Variants in SDC2 observed in about 807,000 individuals in gnomAD.
SDC2 encodes syndecan 2.
A neutral mutation model predicts 22.2 loss-of-function variants in SDC2; 13 were observed. The observed-to-expected ratio is 0.59, with a 90% CI of 0.38 to 0.93. SDC2 has a LOEUF of 0.93. SDC2 is among the 40% of genes least tolerant of loss of function. SDC2 has a pLI of 0.00. For missense variants in SDC2, 235 were observed against 246.8 expected (o/e 0.95, Z 0.32); for synonymous variants, 94 against 92.8 (o/e 1.01, Z -0.07).
intron 1 of SDC2, among the ~76,000 whole-genome samples, chr8:96,510,843 T>C (rs879484710): frequency 3.9e-5 from 6 of 152,070 alleles, no homozygotes; most frequent in Admixed American, 6.5e-5. Context: ...ACAGAGAAAA[T>C]GCAAATGTGA....
At chr8:96,554,703 A>C (rs1814081524) in intron 1 of SDC2, among the ~76,000 whole-genome samples, 1 of 152,134 alleles carries the variant, frequency 6.6e-6, no homozygotes, top group Non-Finnish European at 1.5e-5. Context: ...AGGTTATCTG[A>C]TTTGGGATCC....
chr8:96,585,626 T>C (rs1311217988), intron 1 of SDC2, among the ~76,000 whole-genome samples: 1 of 152,246 alleles, frequency 6.6e-6, no homozygotes, highest in Admixed American at 6.5e-5. Flanking sequence ...ATGAGATCTT[T>C]CTGGATCATC....
chr8:96,602,596 A>T, intron 3 of SDC2, 68 bp downstream of exon 3: 1 of 1,472,446 alleles, frequency 6.8e-7, no homozygotes, highest in Non-Finnish European at 9.4e-7. Context: ...CTGACTGTAC[A>T]CAACAGTCCC....
chr8:96,539,703 A>C (rs574232274), intron 1 of SDC2, among the ~76,000 whole-genome samples: 2 of 152,352 alleles, frequency 1.3e-5, no homozygotes, highest in Middle Eastern at 3.4e-3. Flanking sequence ...CGTGAATTTA[A>C]TTAGGTTTTC....
At chr8:96,547,940 T>A (rs1427272744) in intron 1 of SDC2, among the ~76,000 whole-genome samples, 1 of 151,656 alleles carries the variant, frequency 6.6e-6, no homozygotes, top group Non-Finnish European at 1.5e-5. Context: ...TTTGTTTAAT[T>A]TTTTGTAGAG....
chr8:96,552,598 CT>C (rs1814045047), intron 1 of SDC2, among the ~76,000 whole-genome samples: 1 of 152,160 alleles, frequency 6.6e-6, no homozygotes, highest in African/African-American at 2.4e-5. Flanking sequence ...CTAAATTTTA[CT>C]TAAATTTTTT....
At chr8:96,555,407 T>G (rs1306122319) in intron 1 of SDC2, among the ~76,000 whole-genome samples, 1 of 152,110 alleles carries the variant, frequency 6.6e-6, no homozygotes, top group African/African-American at 2.4e-5. Context: ...TAACCAATAT[T>G]TATTGAGTGA....
chr8:96,587,214 G>C (rs1165690766), intron 1 of SDC2, among the ~76,000 whole-genome samples: 1 of 152,196 alleles, frequency 6.6e-6, no homozygotes, highest in East Asian at 1.9e-4. Context: ...GTGAGCCACT[G>C]TGTCCAGCCT....
chr8:96,499,762 CTT>C (rs397763001), intron 1 of SDC2, among the ~76,000 whole-genome samples: 1 of 143,676 alleles, frequency 7.0e-6, no homozygotes, highest in African/African-American at 2.6e-5. Flanking sequence ...CTCTCTTGGC[CTT>C]TTTTTTTTTG....
chr8:96,607,393 G>T (rs1482048734), intron 3 of SDC2, among the ~76,000 whole-genome samples: 2 of 152,168 alleles, frequency 1.3e-5, no homozygotes, highest in Non-Finnish European at 2.9e-5. Flanking sequence ...AGCAAGATGG[G>T]AGGCAAATTG....
chr8:96,565,719 C>A (rs1313387871), intron 1 of SDC2, among the ~76,000 whole-genome samples: 1 of 152,082 alleles, frequency 6.6e-6, no homozygotes, highest in Admixed American at 6.5e-5. Context: ...ACTGCCTTCC[C>A]TCTGCAAAGT....
chr8:96,589,169 G>T (rs753680947), intron 1 of SDC2, among the ~76,000 whole-genome samples: 2 of 152,082 alleles, frequency 1.3e-5, no homozygotes, highest in Non-Finnish European at 2.9e-5. Context: ...AATGTGGAAG[G>T]CCTAAATCAC....
chr8:96,495,771 G>A (rs1444247003), intron 1 of SDC2, among the ~76,000 whole-genome samples: 2 of 152,172 alleles, frequency 1.3e-5, no homozygotes, highest in Non-Finnish European at 2.9e-5. Flanking sequence ...GCCTCTGTGT[G>A]TGCTAGCAGA....
Position 96,597,907 on chromosome 8 carries a change from C to T in SDC2, c.172+4316C>T, listed in dbSNP as rs117305219. Among the ~76,000 whole-genome samples the T allele has an allele frequency of 3.9e-3, 587 of 152,288 alleles. 4 individuals are homozygous for T. Among genetic ancestry groups the T allele is most frequent in the South Asian group, 0.022 (106 of 4,826 alleles). On this transcript the variant is annotated intron_variant, in intron 2 of 4. Transcript: ENST00000302190. Reference sequence around the variant, plus strand: ...AATTGTATTTATTCCTTCTGTGTTTCCAAATTCATACATGCAAATGTATTT... The same window carrying T: ...AATTGTATTTATTCCTTCTGTGTTTTCAAATTCATACATGCAAATGTATTT...
intron 1 of SDC2, among the ~76,000 whole-genome samples, chr8:96,498,657 A>G (rs923975012): frequency 6.6e-6 from 1 of 151,854 alleles, no homozygotes; most frequent in African/African-American, 2.4e-5. Context: ...CACCTGGCTA[A>G]ATTTTGTATT....
At chr8:96,562,962 T>A (rs901464379) in intron 1 of SDC2, among the ~76,000 whole-genome samples, 3 of 152,196 alleles carry the variant, frequency 2.0e-5, no homozygotes, top group African/African-American at 4.8e-5. Context: ...TCCTAACTTT[T>A]CGCCTTCAGA....
chr8:96,600,241 G>C (rs761574221), intron 2 of SDC2, among the ~76,000 whole-genome samples: 1 of 152,068 alleles, frequency 6.6e-6, no homozygotes, highest in Non-Finnish European at 1.5e-5. Context: ...GCGATTCTGT[G>C]GAAAATACCC....
chr8:96,512,524 T>G (rs908266856), intron 1 of SDC2, among the ~76,000 whole-genome samples: 1 of 152,138 alleles, frequency 6.6e-6, no homozygotes, highest in African/African-American at 2.4e-5. Context: ...AACTGTTTAA[T>G]AGCAGGCTTA....
rs558227720 is a variant in SDC2, at chr8:96,602,104, G to GA, written c.173-285dup. On this transcript the variant is annotated intron_variant, in intron 2 of 4. Coordinates refer to ENST00000302190, the MANE Select transcript of SDC2 (RefSeq NM_002998.4). ...ATGGAGCACGTTTCAGTGTAGATGG[G>GA]AAAAAATCTTGTCAAGCAGGGAGAA... Among the ~76,000 whole-genome samples the GA allele has an allele frequency of 4.0e-5, 6 of 151,766 alleles. No homozygotes were observed. In the South Asian group the frequency reaches 1.3e-3, roughly 32 times the overall value.
Sources: allele counts gnomAD v4.1 joint callset (sites outside exome capture counted in the v4.1 genomes callset), GRCh38; gene constraint gnomAD v4.1.1; transcripts MANE v1.5; gene names NCBI Gene and HGNC (gene_info 2026-07-23, HGNC 2026-07-21).